Variants in GALNT13 observed in about 807,000 individuals in gnomAD.
GALNT13 encodes polypeptide N-acetylgalactosaminyltransferase 13, also known as UDP-GalNAc:polypeptide N-acetylgalactosaminyltransferase 13.
Under a neutral mutation model 64.2 loss-of-function variants are expected in GALNT13, and 28 were observed. The ratio of observed to expected loss-of-function variants is 0.44; its 90% CI spans 0.32 to 0.60. The LOEUF (loss-of-function observed/expected upper bound fraction) is 0.60. Ranked by LOEUF, GALNT13 falls within the 20% of genes least tolerant of loss-of-function variation. GALNT13 has a pLI of 0.05. For synonymous variants in GALNT13, 214 were observed against 224.6 expected, an observed-to-expected ratio of 0.95 and a Z score of 0.42; for missense variants, 577 against 669.8, an observed-to-expected ratio of 0.86 and a Z score of 1.53.
At chr2:153,876,602 T>C (rs1686397897) in intron 1 of GALNT13, among the ~76,000 whole-genome samples, 1 of 152,168 alleles carries the variant, frequency 6.6e-6, no homozygotes, top group African/African-American at 2.4e-5. Context: ...TATTTAGACC[T>C]GTGTCTGTGT....
At chr2:153,547,300 G>GTT in the GALNT13 span, among the ~76,000 whole-genome samples, 1 of 152,142 alleles carries the variant, frequency 6.6e-6, no homozygotes, top group Admixed American at 6.5e-5. Flanking sequence ...CTCCTTCAAG[G>GTT]TTGTACTATG....
the GALNT13 span, among the ~76,000 whole-genome samples, chr2:153,442,655 T>TC: frequency 1.3e-5 from 2 of 152,142 alleles, no homozygotes; most frequent in Non-Finnish European, 2.9e-5. Flanking sequence ...AGCTGCCCCT[T>TC]CCCCCAGGTG....
chr2:153,886,805 G>A (rs1377325827), intron 1 of GALNT13, among the ~76,000 whole-genome samples: 1 of 151,914 alleles, frequency 6.6e-6, no homozygotes, highest in Non-Finnish European at 1.5e-5. Flanking sequence ...TATTAAAGTT[G>A]AAGTTCTTGG....
chr2:153,610,357 G>C, the GALNT13 span, among the ~76,000 whole-genome samples: 1 of 152,080 alleles, frequency 6.6e-6, no homozygotes, highest in Non-Finnish European at 1.5e-5. Flanking sequence ...TTTGCAAATG[G>C]GTTATATGCA....
intron 3 of GALNT13, among the ~76,000 whole-genome samples, chr2:153,969,872 C>T (rs756382281): frequency 1.3e-5 from 2 of 152,046 alleles, no homozygotes; most frequent in Non-Finnish European, 2.9e-5. Flanking sequence ...CCTAATCCTA[C>T]TTACTATTTA....
At chr2:153,731,947 C>T in the GALNT13 span, among the ~76,000 whole-genome samples, 5 of 151,676 alleles carry the variant, frequency 3.3e-5, no homozygotes, top group South Asian at 2.1e-4. Context: ...ACTGATGCTC[C>T]GAGAGCTTAT....
At chr2:154,211,651 AAAAAG>A (rs1559027479) in intron 4 of GALNT13, among the ~76,000 whole-genome samples, 10 of 147,908 alleles carry the variant, frequency 6.8e-5, no homozygotes, top group African/African-American at 2.0e-4. Context: ...AAAAAAAAAA[AAAAAG>A]AAAAGAAAAG....
At chr2:153,719,903 C>G in the GALNT13 span, among the ~76,000 whole-genome samples, 1 of 152,130 alleles carries the variant, frequency 6.6e-6, no homozygotes, top group African/African-American at 2.4e-5. Flanking sequence ...CGCCATTGCC[C>G]AGGCTTGCTT....
chr2:154,430,584 A>G (rs2105446972), intron 11 of GALNT13, among the ~76,000 whole-genome samples: 1 of 152,338 alleles, frequency 6.6e-6, no homozygotes, highest in South Asian at 2.1e-4. Flanking sequence ...ACAACAAAGT[A>G]TTTAGAATAT....
chr2:153,318,708 T>C, the GALNT13 span, among the ~76,000 whole-genome samples: 1 of 152,284 alleles, frequency 6.6e-6, no homozygotes, highest in South Asian at 2.1e-4. Context: ...TGAGGCTACA[T>C]TGAATTGGAT....
intron 9 of GALNT13, among the ~76,000 whole-genome samples, chr2:154,341,180 A>C (rs1392551565): frequency 1.3e-5 from 2 of 152,060 alleles, no homozygotes; most frequent in African/African-American, 4.8e-5. Flanking sequence ...GTACAAAGGA[A>C]AAAAATAAAG....
chr2:153,088,925 G>T, the GALNT13 span, among the ~76,000 whole-genome samples: 50,780 of 151,870 alleles, frequency 0.33, 9,394 homozygotes, highest in Non-Finnish European at 0.44. Context: ...TATCCATTCT[G>T]CCGGTGTGTA....
chr2:153,342,048 A>G, the GALNT13 span, among the ~76,000 whole-genome samples: 2 of 152,202 alleles, frequency 1.3e-5, no homozygotes, highest in Non-Finnish European at 2.9e-5. Flanking sequence ...GGCTCAGCAA[A>G]GAGGATATGT....
chr2:154,339,033 C>T (rs115018705), intron 9 of GALNT13, among the ~76,000 whole-genome samples: 2,639 of 152,160 alleles, frequency 0.017, 75 homozygotes, highest in African/African-American at 0.06. Context: ...AGACCAAAGA[C>T]AATACGGTTG....
At chr2:153,682,261 C>A in the GALNT13 span, among the ~76,000 whole-genome samples, 1 of 151,654 alleles carries the variant, frequency 6.6e-6, no homozygotes, top group Non-Finnish European at 1.5e-5. Context: ...TTTCAGTCTC[C>A]AATTTCTTTT....
chr2:154,120,112 T>C (rs1015698531), intron 3 of GALNT13, among the ~76,000 whole-genome samples: 1 of 152,164 alleles, frequency 6.6e-6, no homozygotes, highest in Non-Finnish European at 1.5e-5. Flanking sequence ...ATCTTAACTA[T>C]TTAATATAGC....
intron 7 of GALNT13, among the ~76,000 whole-genome samples, chr2:154,253,666 A>G (rs916242218): frequency 1.3e-5 from 2 of 152,194 alleles, no homozygotes; most frequent in African/African-American, 4.8e-5. Context: ...CTCAACCCCT[A>G]AAACTCCTAT....
chr2:153,784,522 G>A, the GALNT13 span, among the ~76,000 whole-genome samples: 15 of 152,184 alleles, frequency 9.9e-5, no homozygotes, highest in Admixed American at 5.2e-4. Flanking sequence ...TTGCTAGGCC[G>A]TCAAAACAAC....
At chr2:154,018,844 AGAG>A (rs1471757251) in intron 3 of GALNT13, among the ~76,000 whole-genome samples, 3 of 151,316 alleles carry the variant, frequency 2.0e-5, no homozygotes, top group African/African-American at 4.9e-5. Context: ...AAAGGATGAG[AGAG>A]GAGGAGGAGG....
Sources: gnomAD v4.1 joint callset for allele counts (sites outside exome capture counted in the v4.1 genomes callset) on GRCh38, gnomAD v4.1.1 for gene constraint, MANE v1.5 for transcripts, NCBI Gene and HGNC (gene_info 2026-07-23, HGNC 2026-07-21) for gene names.